Variants in FHOD3 observed in about 807,000 individuals in gnomAD.
FHOD3 encodes FH1/FH2 domain-containing protein 3.
A neutral mutation model predicts 173.0 loss-of-function variants in FHOD3; 90 were observed. The ratio of observed to expected loss-of-function variants is 0.52; its 90% CI spans 0.44 to 0.62. FHOD3 has a LOEUF of 0.62. Among genes scored for constraint, FHOD3 ranks in the 20% least tolerant of loss-of-function variants. The pLI is 0.00. For missense variants in FHOD3, 1,945 were observed against 2,034.7 expected (o/e 0.96, Z 0.85); for synonymous variants, 828 against 823.0 (o/e 1.01, Z -0.10).
chr18:36,526,008 C>G (rs986108295), intron 5 of FHOD3, among the ~76,000 whole-genome samples: 1 of 152,248 alleles, frequency 6.6e-6, no homozygotes, highest in African/African-American at 2.4e-5. Flanking sequence ...TTGGGATGAT[C>G]TCACCTATGA....
intron 3 of FHOD3, among the ~76,000 whole-genome samples, chr18:36,422,573 A>G (rs983820538): frequency 3.3e-5 from 5 of 152,154 alleles, no homozygotes; most frequent in African/African-American, 1.2e-4. Flanking sequence ...TGCCTTCCAT[A>G]GGGCTTGTTC....
chr18:36,715,262 T>C (rs2040386204), intron 18 of FHOD3, among the ~76,000 whole-genome samples: 1 of 152,224 alleles, frequency 6.6e-6, no homozygotes, highest in African/African-American at 2.4e-5. Context: ...TGATAGTGAA[T>C]TAGTTCTCAC....
chr18:36,595,852 T>C (rs2030264572), intron 7 of FHOD3, among the ~76,000 whole-genome samples: 1 of 152,258 alleles, frequency 6.6e-6, no homozygotes, highest in African/African-American at 2.4e-5. Flanking sequence ...ATTATTATCA[T>C]CATCCCCACA....
chr18:36,479,923 C>T (rs1216070196), intron 3 of FHOD3, among the ~76,000 whole-genome samples: 1 of 152,186 alleles, frequency 6.6e-6, no homozygotes, highest in East Asian at 1.9e-4. Flanking sequence ...TCAGCTGCAG[C>T]TTCAGGGGGC....
chr18:36,539,899 T>C (rs2147075412), intron 5 of FHOD3, among the ~76,000 whole-genome samples: 1 of 152,188 alleles, frequency 6.6e-6, no homozygotes, highest in South Asian at 2.1e-4. Flanking sequence ...GGGAGTAGCT[T>C]GAGGAAACAC....
intron 5 of FHOD3, among the ~76,000 whole-genome samples, chr18:36,557,755 T>C (rs1292644779): frequency 6.6e-6 from 1 of 152,260 alleles, no homozygotes; most frequent in East Asian, 1.9e-4. Context: ...CAGTTACTTG[T>C]AAACATTGAA....
intron 3 of FHOD3, among the ~76,000 whole-genome samples, chr18:36,425,884 A>G (rs1026272011): frequency 1.3e-5 from 2 of 151,472 alleles, no homozygotes; most frequent in Non-Finnish European, 2.9e-5. Flanking sequence ...GAAGCACTTC[A>G]CACACTATTT....
intron 9 of FHOD3, among the ~76,000 whole-genome samples, chr18:36,616,360 C>G (rs1893437): frequency 6.6e-6 from 1 of 152,114 alleles, no homozygotes; most frequent in African/African-American, 2.4e-5. Flanking sequence ...CATCAGTGAA[C>G]AAACTGGGAG....
chr18:36,443,196 G>A (rs2051253287), intron 3 of FHOD3, among the ~76,000 whole-genome samples: 1 of 152,090 alleles, frequency 6.6e-6, no homozygotes, highest in Non-Finnish European at 1.5e-5. Flanking sequence ...CTGAAATTAT[G>A]TAAACATCCT....
At chr18:36,383,690 G>A (rs1265269049) in intron 3 of FHOD3, among the ~76,000 whole-genome samples, 1 of 152,218 alleles carries the variant, frequency 6.6e-6, no homozygotes, top group East Asian at 1.9e-4. Flanking sequence ...ACTGGGCAAA[G>A]CACTCGACAA....
intron 28 of FHOD3, among the ~76,000 whole-genome samples, chr18:36,769,850 G>A (rs904976891): frequency 6.6e-6 from 1 of 152,122 alleles, no homozygotes; most frequent in African/African-American, 2.4e-5. Flanking sequence ...GGCCTCTCCT[G>A]GGTTCATCGC....
chr18:36,717,663 A>G lies in FHOD3; in HGVS notation c.2534-169A>G, dbSNP rs542590891. Among the ~76,000 whole-genome samples, 88 of 152,250 alleles carry G rather than the reference A, an allele frequency of 5.8e-4. No individual in the cohort carries two copies. The Middle Eastern group carries it at 0.014, about 24-fold the overall frequency. On this transcript the variant is annotated intron_variant, in intron 18 of 28. Coordinates refer to ENST00000590592, the MANE Select transcript of FHOD3 (RefSeq NM_001281740.3). ...GTGTGGGTCTTTGGGACTATAAAGC[A>G]GCATCTCTTCTTGCCCAAGAGCGCC...
chr18:36,743,248 GCAGTGAGCTGAGA>G (rs1432792193), intron 22 of FHOD3, among the ~76,000 whole-genome samples: 2 of 135,830 alleles, frequency 1.5e-5, no homozygotes. Flanking sequence ...AGCAGAGGTT[GCAGTGAGCTGAGA>G]TCTCACCACT....
chr18:36,646,364 T>A (rs992037777), intron 10 of FHOD3, among the ~76,000 whole-genome samples: 2 of 152,082 alleles, frequency 1.3e-5, no homozygotes, highest in Non-Finnish European at 2.9e-5. Context: ...TTAAGAGAAA[T>A]TAAGATAGCA....
chr18:36,652,477 T>C, intron 11 of FHOD3, 93 bp from the exon 12 acceptor site: 1 of 1,386,678 alleles, frequency 7.2e-7, no homozygotes, highest in Non-Finnish European at 9.5e-7. Context: ...AGTACAGAAG[T>C]GGCTTTTTGC....
At chr18:36,695,633 A>C (rs559389287) in intron 17 of FHOD3, among the ~76,000 whole-genome samples, 16 of 152,350 alleles carry the variant, frequency 1.1e-4, no homozygotes, top group African/African-American at 3.8e-4. Flanking sequence ...AAGAGCAAAC[A>C]GTCTTCCTTG....
At chr18:36,668,349 G>A (rs1326259132) in intron 14 of FHOD3, among the ~76,000 whole-genome samples, 1 of 151,890 alleles carries the variant, frequency 6.6e-6, no homozygotes, top group Non-Finnish European at 1.5e-5. Flanking sequence ...TTTAGTATCT[G>A]TAAAATCTGC....
intron 6 of FHOD3, among the ~76,000 whole-genome samples, chr18:36,592,718 C>G (rs746933864): frequency 6.6e-6 from 1 of 152,078 alleles, no homozygotes; most frequent in Non-Finnish European, 1.5e-5. Context: ...GCAGGCAAAC[C>G]CTTCCCAGTG....
intron 20 of FHOD3, among the ~76,000 whole-genome samples, chr18:36,735,997 T>C (rs2041610268): frequency 6.6e-6 from 1 of 152,274 alleles, no homozygotes; most frequent in Non-Finnish European, 1.5e-5. Flanking sequence ...AGACGCTGTC[T>C]AGGCAAACGC....
Sources: gnomAD v4.1 joint callset for allele counts (sites outside exome capture counted in the v4.1 genomes callset) on GRCh38, gnomAD v4.1.1 for gene constraint, MANE v1.5 for transcripts, NCBI Gene and HGNC (gene_info 2026-07-23, HGNC 2026-07-21) for gene names.